Variants in CYP7B1 observed in about 807,000 individuals in gnomAD.
CYP7B1 encodes cytochrome P450 7B1.
In CYP7B1, 29 loss-of-function variants were observed where a neutral mutation model predicts 42.7. That is an observed-to-expected ratio of 0.68 (90% CI 0.51 to 0.93). The LOEUF (loss-of-function observed/expected upper bound fraction) is 0.93. CYP7B1 is among the 40% of genes least tolerant of loss of function. The pLI, the probability that CYP7B1 is intolerant of heterozygous loss-of-function variation, is 0.00. For synonymous variants in CYP7B1, 235 were observed against 218.2 expected (o/e 1.08, Z -0.68); for missense variants, 655 against 600.5 (o/e 1.09, Z -0.95).
intron 1 of CYP7B1, among the ~76,000 whole-genome samples, chr8:64,789,491 T>G (rs1585916175): frequency 2.0e-5 from 3 of 152,180 alleles, no homozygotes; most frequent in Non-Finnish European, 4.4e-5. Flanking sequence ...AACTGGGAAT[T>G]TCCCTCTAAC....
chr8:64,761,122 T>G (rs1393372731), intron 1 of CYP7B1, among the ~76,000 whole-genome samples: 3 of 152,030 alleles, frequency 2.0e-5, no homozygotes, highest in African/African-American at 7.2e-5. Context: ...CACTTACACG[T>G]GGAATCTAAA....
At chr8:64,694,986 C>A (rs1806802006) in intron 1 of CYP7B1, among the ~76,000 whole-genome samples, 1 of 152,186 alleles carries the variant, frequency 6.6e-6, no homozygotes, top group East Asian at 1.9e-4. Flanking sequence ...TGAACTGAAT[C>A]TGACGTCAAT....
At chr8:64,625,164 G>A (rs1472859179) in intron 1 of CYP7B1, among the ~76,000 whole-genome samples, 1 of 151,650 alleles carries the variant, frequency 6.6e-6, no homozygotes, top group Non-Finnish European at 1.5e-5. Flanking sequence ...TAGTAGAGAG[G>A]GGGTTTCACC....
At chr8:64,773,768 T>C (rs1804275384) in intron 1 of CYP7B1, among the ~76,000 whole-genome samples, 1 of 152,164 alleles carries the variant, frequency 6.6e-6, no homozygotes. Flanking sequence ...TCTAGCTCTG[T>C]CATAACATGG....
Position 64,648,239 on chromosome 8 carries a change from C to A in CYP7B1, c.123-23700G>T, listed in dbSNP as rs186234768. Among the ~76,000 whole-genome samples, 8 of 152,200 alleles carry A rather than the reference C, an allele frequency of 5.3e-5. No individual in the cohort carries two copies. In the East Asian group the frequency reaches 1.4e-3, roughly 26 times the overall value. ...CTTGTAATTCACTTCTTATTTTGAT[C>A]TTTTTTTCTAGGAATTATCTGTATT... is the stretch of plus-strand genomic sequence containing the variant. On this transcript the variant is annotated intron_variant, in intron 1 of 5. Transcript: ENST00000310193.
chr8:64,616,334 A>G (rs1805448899), intron 2 of CYP7B1, 53 bp from the exon 3 acceptor site: 1 of 1,104,866 alleles, frequency 9.1e-7, no homozygotes, highest in African/African-American at 1.6e-5. Context: ...AATAAAACAG[A>G]AATAAACACC....
chr8:64,722,662 C>T (rs1458161744), intron 1 of CYP7B1, among the ~76,000 whole-genome samples: 1 of 136,114 alleles, frequency 7.3e-6, no homozygotes, highest in African/African-American at 2.8e-5. Flanking sequence ...TGATGCTTAC[C>T]TAGGAAAACT....
chr8:64,738,171 T>C (rs944908760), intron 1 of CYP7B1, among the ~76,000 whole-genome samples: 1 of 152,222 alleles, frequency 6.6e-6, no homozygotes, highest in Non-Finnish European at 1.5e-5. Flanking sequence ...TCATGTGTAA[T>C]TGTAAAAATA....
chr8:64,590,561 G>A (rs2129629581), downstream of CYP7B1, among the ~76,000 whole-genome samples: 1 of 152,228 alleles, frequency 6.6e-6, no homozygotes. Flanking sequence ...TTGTAACCTA[G>A]CAAGGTCAGC....
chr8:64,748,626 C>T (rs1807681863), intron 1 of CYP7B1, among the ~76,000 whole-genome samples: 1 of 152,144 alleles, frequency 6.6e-6, no homozygotes, highest in South Asian at 2.1e-4. Context: ...TTTACTTTCC[C>T]CTACCATCCA....
At chr8:64,684,159 A>G (rs1806584796) in intron 1 of CYP7B1, among the ~76,000 whole-genome samples, 1 of 152,250 alleles carries the variant, frequency 6.6e-6, no homozygotes, top group Non-Finnish European at 1.5e-5. Flanking sequence ...CATTCAGCAA[A>G]TAATTGTTAA....
chr8:64,745,324 A>G (rs1354770992), intron 1 of CYP7B1, among the ~76,000 whole-genome samples: 1 of 152,236 alleles, frequency 6.6e-6, no homozygotes, highest in African/African-American at 2.4e-5. Context: ...TGAGTTGTAA[A>G]TAAATTATAA....
chr8:64,743,419 G>A (rs1002207751), intron 1 of CYP7B1, among the ~76,000 whole-genome samples: 5 of 152,020 alleles, frequency 3.3e-5, no homozygotes, highest in East Asian at 1.9e-4. Flanking sequence ...TAGGGCTGCC[G>A]TAACAAAACA....
At chr8:64,659,843 A>T (rs1806174944) in intron 1 of CYP7B1, among the ~76,000 whole-genome samples, 1 of 152,198 alleles carries the variant, frequency 6.6e-6, no homozygotes, top group African/African-American at 2.4e-5. Context: ...GCAACAAAAA[A>T]TACCCATCTT....
Position 64,604,691 on chromosome 8 carries a change from T to C in CYP7B1, c.1224A>G (p.Glu408=). 2 of 1,614,064 alleles carry C rather than the reference T, an allele frequency of 1.2e-6. No homozygotes were observed. Among genetic ancestry groups the C allele is most frequent in the Non-Finnish European group, 8.5e-7 (1 of 1,180,022 alleles). ...PVLHGDPEIF[E]APEEFRYDRF... ...CTTGATGTTTACTTACCTCTGGAGC[T>C]TCAAAGATTTCAGGGTCACCATGTA... The change falls in exon 5 of 6, where the codon GAA becomes GAG. Residue 408 remains glutamate, a synonymous_variant. Coordinates refer to ENST00000310193, the MANE Select transcript of CYP7B1 (RefSeq NM_004820.5).
At chr8:64,657,893 G>A (rs1396953556) in intron 1 of CYP7B1, among the ~76,000 whole-genome samples, 1 of 152,154 alleles carries the variant, frequency 6.6e-6, no homozygotes, top group East Asian at 1.9e-4. Context: ...ATACAAAAAT[G>A]GTGATTTACA....
chr8:64,693,851 G>A (rs960318555), intron 1 of CYP7B1, among the ~76,000 whole-genome samples: 8 of 152,180 alleles, frequency 5.3e-5, no homozygotes, highest in Non-Finnish European at 1.2e-4. Context: ...AAGCCTGTGA[G>A]GGAATTAGAG....
chr8:64,700,401 G>A (rs1326252868), intron 1 of CYP7B1, among the ~76,000 whole-genome samples: 3 of 152,110 alleles, frequency 2.0e-5, no homozygotes, highest in African/African-American at 7.2e-5. Context: ...CTTATGTCCA[G>A]AATGATGTCA....
At chr8:64,632,989 G>C (rs549285262) in intron 1 of CYP7B1, among the ~76,000 whole-genome samples, 2 of 152,270 alleles carry the variant, frequency 1.3e-5, no homozygotes, top group African/African-American at 4.8e-5. Context: ...AAAGGGACTA[G>C]GTTTTAAACC....
Sources: gnomAD v4.1 joint callset for allele counts (sites outside exome capture counted in the v4.1 genomes callset) on GRCh38, gnomAD v4.1.1 for gene constraint, MANE v1.5 for transcripts, NCBI Gene and HGNC (gene_info 2026-07-23, HGNC 2026-07-21) for gene names.